Variants in SPAG16 observed in about 807,000 individuals in gnomAD.
The protein encoded by SPAG16 is sperm-associated antigen 16 protein.
Under a neutral mutation model 80.4 loss-of-function variants are expected in SPAG16, and 86 were observed. That is an observed-to-expected ratio of 1.07 (90% CI 0.90 to 1.28). The LOEUF is 1.28. SPAG16 is among the 50% of genes most tolerant of loss of function. The pLI is 0.00. For synonymous variants in SPAG16, 294 were observed against 265.9 expected (o/e 1.11, Z -1.03); for missense variants, 870 against 765.3 (o/e 1.14, Z -1.61).
Position 213,498,737 on chromosome 2 carries a change from T to C in SPAG16, c.1070+8647T>C, listed in dbSNP as rs1437786289. Among the ~76,000 whole-genome samples, 3 of 152,188 alleles carry C rather than the reference T, an allele frequency of 2.0e-5. No individual in the cohort carries two copies. The South Asian group carries it at 6.2e-4, about 32-fold the overall frequency. On this transcript the variant is annotated intron_variant, in intron 10 of 15. Coordinates refer to ENST00000331683, the MANE Select transcript of SPAG16 (RefSeq NM_024532.5). Reference sequence around the variant, plus strand: ...CTCACCAACTTTCTCCCATTTTATTTAATGTTATTATCATCCATATGGTCA... The same window carrying C: ...CTCACCAACTTTCTCCCATTTTATTCAATGTTATTATCATCCATATGGTCA...
chr2:213,426,836 T>TACACACACACACACACAC (rs199604984), intron 9 of SPAG16, among the ~76,000 whole-genome samples: 1 of 125,886 alleles, frequency 7.9e-6, no homozygotes, highest in Non-Finnish European at 1.7e-5. Context: ...TTCTGATACA[T>TACACACACACACACACAC]ACACACACAC....
intron 15 of SPAG16, among the ~76,000 whole-genome samples, chr2:214,312,669 T>C (rs1246404556): frequency 6.6e-6 from 1 of 152,158 alleles, no homozygotes. Flanking sequence ...CTAATAATCT[T>C]TTATCACCTT....
intron 12 of SPAG16, among the ~76,000 whole-genome samples, chr2:214,006,143 A>T (rs924601550): frequency 3.3e-5 from 5 of 152,222 alleles, no homozygotes; most frequent in African/African-American, 1.2e-4. Flanking sequence ...TCACTTAAAA[A>T]ATATCTTGCT....
At chr2:213,441,349 A>T (rs1456701177) in intron 9 of SPAG16, among the ~76,000 whole-genome samples, 1 of 152,228 alleles carries the variant, frequency 6.6e-6, no homozygotes, top group African/African-American at 2.4e-5. Context: ...AGCAAAATGA[A>T]TGTCTTCTAT....
chr2:213,841,520 A>G (rs2125756000), intron 10 of SPAG16, among the ~76,000 whole-genome samples: 1 of 152,312 alleles, frequency 6.6e-6, no homozygotes, highest in Non-Finnish European at 1.5e-5. Context: ...CTTAACTGTA[A>G]CAATAATTTA....
chr2:213,325,567 G>T (rs917527472), intron 5 of SPAG16, among the ~76,000 whole-genome samples: 5 of 151,812 alleles, frequency 3.3e-5, no homozygotes, highest in Non-Finnish European at 7.4e-5. Flanking sequence ...GGTGATGTAG[G>T]TGTGACATAG....
At chr2:213,459,915 A>G (rs1320614011) in intron 9 of SPAG16, among the ~76,000 whole-genome samples, 1 of 152,246 alleles carries the variant, frequency 6.6e-6, no homozygotes. Context: ...AAAAATATTT[A>G]TAAGTTTACA....
chr2:213,708,693 G>A (rs1195025015), intron 10 of SPAG16, among the ~76,000 whole-genome samples: 1 of 152,178 alleles, frequency 6.6e-6, no homozygotes, highest in Admixed American at 6.5e-5. Flanking sequence ...ACACACCGCA[G>A]GAGAATCACT....
At chr2:213,374,688 T>C (rs970442485) in intron 8 of SPAG16, among the ~76,000 whole-genome samples, 1 of 152,014 alleles carries the variant, frequency 6.6e-6, no homozygotes, top group Non-Finnish European at 1.5e-5. Flanking sequence ...TCATTTCTTG[T>C]CATTCTCTCC....
At chr2:213,966,879 C>A (rs1288202062) in intron 12 of SPAG16, among the ~76,000 whole-genome samples, 1 of 152,114 alleles carries the variant, frequency 6.6e-6, no homozygotes, top group Non-Finnish European at 1.5e-5. Flanking sequence ...TTCCTCCATT[C>A]ATTAAGGGAA....
At chr2:214,133,467 T>G (rs924812715) in intron 14 of SPAG16, among the ~76,000 whole-genome samples, 8 of 152,070 alleles carry the variant, frequency 5.3e-5, no homozygotes, top group African/African-American at 1.9e-4. Flanking sequence ...GAGACCAGCC[T>G]GGCCAACGTG....
chr2:213,384,824 C>T (rs2067343390), intron 9 of SPAG16, among the ~76,000 whole-genome samples: 1 of 152,186 alleles, frequency 6.6e-6, no homozygotes, highest in Admixed American at 6.5e-5. Flanking sequence ...CTGTTGGCTT[C>T]CCATCTTTCA....
chr2:213,712,193 CA>C (rs1056106827), intron 10 of SPAG16, among the ~76,000 whole-genome samples: 1 of 152,066 alleles, frequency 6.6e-6, no homozygotes, highest in Admixed American at 6.6e-5. Flanking sequence ...GTAATAGCCG[CA>C]GGTATTTCAG....
chr2:213,508,962 G>A (rs1575785743), intron 10 of SPAG16, among the ~76,000 whole-genome samples: 1 of 149,488 alleles, frequency 6.7e-6, no homozygotes, highest in South Asian at 2.1e-4. Flanking sequence ...TTTACTGACT[G>A]TGTTGTTATT....
Position 213,378,075 on chromosome 2 carries a change from G to T in SPAG16, c.942+2956G>T, listed in dbSNP as rs150135262. On this transcript the variant is annotated intron_variant, in intron 9 of 15. Coordinates refer to ENST00000331683, the MANE Select transcript of SPAG16 (RefSeq NM_024532.5). ...AAGAACTTGGAGTCTGATGTTAGAG[G>T]GCAGGAAGCATCCAGCATGGAGAAA... Among the ~76,000 whole-genome samples the T allele has an allele frequency of 5.7e-4, 87 of 152,148 alleles. 1 individual carries two copies. In the East Asian group the frequency reaches 0.016, roughly 28 times the overall value.
At chr2:214,081,153 A>G (rs558773350) in intron 13 of SPAG16, among the ~76,000 whole-genome samples, 3 of 151,736 alleles carry the variant, frequency 2.0e-5, no homozygotes, top group South Asian at 2.1e-4. Context: ...ATGCTATCCA[A>G]TTATCTCTTT....
chr2:213,373,743 G>A lies in SPAG16; in HGVS notation c.833-1267G>A, dbSNP rs146370362. 7.1e-3 allele frequency among the ~76,000 whole-genome samples: 1,083 copies of A among 152,110 alleles called. 14 individuals are homozygous for A. Among genetic ancestry groups the A allele is most frequent in the South Asian group, 0.032 (152 of 4,820 alleles). On this transcript the variant is annotated intron_variant, in intron 8 of 15. Transcript: ENST00000331683. ...ATGCATTCCCCTTCTCATATACAATGGGAACAAAAGGTAGTGTGACCTTCA... is the reference window on the plus strand; with the variant it reads ...ATGCATTCCCCTTCTCATATACAATAGGAACAAAAGGTAGTGTGACCTTCA...
intron 12 of SPAG16, among the ~76,000 whole-genome samples, chr2:213,981,019 CA>C (rs1346771851): frequency 6.6e-6 from 1 of 151,992 alleles, no homozygotes; most frequent in African/African-American, 2.4e-5. Context: ...GTGGCTTCAA[CA>C]ACAGAAATTT....
intron 15 of SPAG16, among the ~76,000 whole-genome samples, chr2:214,343,590 C>G (rs953304371): frequency 2.0e-5 from 3 of 152,020 alleles, no homozygotes; most frequent in Non-Finnish European, 2.9e-5. Context: ...TGTTATATGT[C>G]AGTAATTACA....
Sources: allele counts gnomAD v4.1 joint callset (sites outside exome capture counted in the v4.1 genomes callset), GRCh38; gene constraint gnomAD v4.1.1; transcripts MANE v1.5; gene names NCBI Gene and HGNC (gene_info 2026-07-23, HGNC 2026-07-21).